Variants in CFTR observed in about 807,000 individuals in gnomAD.
CFTR encodes cystic fibrosis transmembrane conductance regulator.
Under a neutral mutation model 171.6 loss-of-function variants are expected in CFTR, and 181 were observed. That is an observed-to-expected ratio of 1.05 (90% CI 0.93 to 1.19). The LOEUF (loss-of-function observed/expected upper bound fraction) is 1.19, where lower values mean the gene tolerates loss of function less well. CFTR is among the 50% of genes most tolerant of loss of function. CFTR has a pLI of 0.00. For synonymous variants in CFTR, 583 were observed against 608.0 expected, an observed-to-expected ratio of 0.96 and a Z score of 0.60; for missense variants, 1,968 against 1,734.7, an observed-to-expected ratio of 1.13 and a Z score of -2.39.
intron 22 of CFTR, among the ~76,000 whole-genome samples, chr7:117,637,500 A>T (rs111309367): frequency 0.012 from 1,878 of 152,208 alleles, 7 homozygotes; most frequent in Non-Finnish European, 0.022. Flanking sequence ...CCCTTCCCCT[A>T]GGTCAGTTAG....
chr7:117,584,849 C>A (rs975215603), intron 11 of CFTR, among the ~76,000 whole-genome samples: 1 of 151,762 alleles, frequency 6.6e-6, no homozygotes, highest in African/African-American at 2.4e-5. Flanking sequence ...TTTCTTTGAG[C>A]AGCATTTTGT....
intron 3 of CFTR, among the ~76,000 whole-genome samples, chr7:117,518,569 CATATAT>C (rs72291298): frequency 2.8e-5 from 4 of 142,104 alleles, no homozygotes; most frequent in Non-Finnish European, 4.6e-5. Flanking sequence ...TATATAAAAA[CATATAT>C]ATATATATAT....
chr7:117,498,700 G>A (rs1798275836), intron 1 of CFTR, among the ~76,000 whole-genome samples: 1 of 152,016 alleles, frequency 6.6e-6, no homozygotes, highest in African/African-American at 2.4e-5. Context: ...CCCTATCATA[G>A]TCACTTATCA....
At chr7:117,514,582 A>G (rs1798570799) in intron 3 of CFTR, among the ~76,000 whole-genome samples, 1 of 152,092 alleles carries the variant, frequency 6.6e-6, no homozygotes, top group South Asian at 2.1e-4. Context: ...GGTTGGTTCC[A>G]TGTCTTTGCT....
chr7:117,642,844 C>T (rs1454153710), intron 23 of CFTR, among the ~76,000 whole-genome samples: 1 of 152,036 alleles, frequency 6.6e-6, no homozygotes, highest in East Asian at 1.9e-4. Flanking sequence ...ACAGTGGGAG[C>T]CTTGGGCTTT....
At chr7:117,514,666 A>G (rs141727164) in intron 3 of CFTR, among the ~76,000 whole-genome samples, 307 of 152,260 alleles carry the variant, frequency 2.0e-3, no homozygotes, top group African/African-American at 6.8e-3. Flanking sequence ...TACTTTGGGT[A>G]TATACCCAGT....
At position 117,612,033 on chromosome 7, in the gene CFTR, A is replaced by ATATATATATG. The variant is rs1554392404; in HGVS notation, c.3367+234_3367+235insGTATATATAT. Among the ~76,000 whole-genome samples, 114 of 75,238 alleles carry ATATATATATG rather than the reference A, an allele frequency of 1.5e-3. 2 individuals carry two copies. Among genetic ancestry groups the ATATATATATG allele is most frequent in the African/African-American group, 6.2e-3 (103 of 16,746 alleles). 49.4% of individuals were successfully genotyped at this position (75,238 alleles called of 152,430 possible). A position where few individuals can be genotyped will look rare whatever the true frequency, so the allele number is the denominator to read the frequency against. On this transcript the variant is annotated intron_variant, in intron 20 of 26. Transcript: ENST00000003084. Reference sequence around the variant, plus strand: ...TATATATATATATATGTATATATATATATATATATATATATATATACATAT... The same window carrying ATATATATATG: ...TATATATATATATATGTATATATATATATATATATGTATATATATATATATATATACATAT...
At chr7:117,519,511 G>C (rs1223062257) in intron 3 of CFTR, among the ~76,000 whole-genome samples, 1 of 151,710 alleles carries the variant, frequency 6.6e-6, no homozygotes, top group East Asian at 1.9e-4. Flanking sequence ...TTGTATGCAT[G>C]TTTTCTTTTT....
intron 24 of CFTR, among the ~76,000 whole-genome samples, chr7:117,655,275 T>C (rs1209680696): frequency 6.6e-6 from 1 of 152,184 alleles, no homozygotes; most frequent in East Asian, 1.9e-4. Flanking sequence ...CCTTCAACTT[T>C]GCTTGGATAT....
intron 20 of CFTR, among the ~76,000 whole-genome samples, chr7:117,612,224 C>T (rs1792419076): frequency 1.5e-5 from 2 of 130,398 alleles, no homozygotes; most frequent in Admixed American, 1.5e-4. Context: ...GGAAATGAAA[C>T]ATCCGCATTT....
chr7:117,586,362 C>T (rs1791934467), intron 11 of CFTR: 1 of 152,282 alleles, frequency 6.6e-6, no homozygotes, highest in Non-Finnish European at 1.5e-5. Context: ...TAGCCGAGTC[C>T]ACTGAGTCCT....
chr7:117,580,382 G>T (rs538913090), intron 11 of CFTR, among the ~76,000 whole-genome samples: 16 of 152,126 alleles, frequency 1.1e-4, no homozygotes, highest in East Asian at 1.9e-4. Flanking sequence ...ATATCTGTTG[G>T]TGGTGGTGAT....
At position 117,667,058 on chromosome 7, in the gene CFTR, G is replaced by A; in HGVS notation, c.4393G>A (p.Ala1465Thr). 2 of 1,614,024 alleles carry A rather than the reference G, an allele frequency of 1.2e-6. No individual in the cohort carries two copies. Among genetic ancestry groups the A allele is most frequent in the Non-Finnish European group, 1.7e-6 (2 of 1,179,970 alleles). Residue 1465 changes from alanine (A) to threonine (T), a missense_variant, in exon 27 of 27, where the codon GCT becomes ACT. Physicochemically the swap from Ala to Thr is moderately conservative, Grantham distance 58. Coordinates refer to ENST00000003084, the MANE Select transcript of CFTR (RefSeq NM_000492.4). ...SSKCKSKPQIAALKEETEEEV... is the reference protein window; with the variant it reads ...SSKCKSKPQITALKEETEEEV... ...CAAGTGCAAGTCTAAGCCCCAGATT[G>A]CTGCTCTGAAAGAGGAGACAGAAGA...
At chr7:117,578,974 A>G (rs750244184) in intron 11 of CFTR, among the ~76,000 whole-genome samples, 1 of 152,022 alleles carries the variant, frequency 6.6e-6, no homozygotes, top group African/African-American at 2.4e-5. Flanking sequence ...CAAAGTTGCT[A>G]TTGAATATGT....
At chr7:117,558,359 C>T (rs1047756669) in intron 10 of CFTR, among the ~76,000 whole-genome samples, 1 of 151,952 alleles carries the variant, frequency 6.6e-6, no homozygotes, top group Non-Finnish European at 1.5e-5. Flanking sequence ...TCAAGACCAT[C>T]CTGGCTAACA....
chr7:117,554,228 G>A (rs1212260909), intron 10 of CFTR, among the ~76,000 whole-genome samples: 1 of 152,166 alleles, frequency 6.6e-6, no homozygotes, highest in Non-Finnish European at 1.5e-5. Context: ...GGCAAGTGAT[G>A]ATGGTGGCTT....
At chr7:117,486,196 T>C (rs968209869) in intron 1 of CFTR, among the ~76,000 whole-genome samples, 1 of 152,198 alleles carries the variant, frequency 6.6e-6, no homozygotes, top group African/African-American at 2.4e-5. Flanking sequence ...TACTCAGGCC[T>C]GAAGCTATGC....
rs213965 is a variant in CFTR, at chr7:117,589,483, T to A, written c.1680-870T>A. Among the ~76,000 whole-genome samples the A allele has an allele frequency of 0.54, 82,640 of 151,808 alleles. 25,193 individuals carry two copies. Among genetic ancestry groups the A allele is most frequent in the African/African-American group, 0.83 (34,635 of 41,496 alleles). ...ACTTGAGATATAAGTAAGGTTACTA[T>A]CAATCACACCTGAAAAATTTAAATG... On this transcript the variant is annotated intron_variant, in intron 12 of 26. Coordinates refer to ENST00000003084, the MANE Select transcript of CFTR (RefSeq NM_000492.4).
intron 10 of CFTR, among the ~76,000 whole-genome samples, chr7:117,550,935 T>G (rs879712085): frequency 2.0e-5 from 3 of 152,050 alleles, no homozygotes; most frequent in Non-Finnish European, 4.4e-5. Flanking sequence ...CACTTTATAG[T>G]TTTTTTTGGA....
Sources: gnomAD v4.1 joint callset for allele counts (sites outside exome capture counted in the v4.1 genomes callset) on GRCh38, gnomAD v4.1.1 for gene constraint, MANE v1.5 for transcripts, NCBI Gene and HGNC (gene_info 2026-07-23, HGNC 2026-07-21) for gene names.